The following LUZP2 variants were observed in gnomAD, a reference collection of about 807,000 sequenced individuals.
LUZP2 encodes leucine zipper protein 2.
Under a neutral mutation model 51.6 loss-of-function variants are expected in LUZP2, and 52 were observed. That is an observed-to-expected ratio of 1.01 (90% CI 0.81 to 1.27). The LOEUF is 1.27. LUZP2 is among the 50% of genes most tolerant of loss of function. The probability of loss-of-function intolerance (pLI) is 0.00; values close to 1 mark genes in which losing one functional copy is unlikely to be tolerated. For missense variants in LUZP2, 436 were observed against 395.4 expected, an observed-to-expected ratio of 1.10 and a Z score of -0.87; for synonymous variants, 154 against 137.3, an observed-to-expected ratio of 1.12 and a Z score of -0.85.
At chr11:24,981,142 G>A (rs1321570691) in intron 8 of LUZP2, among the ~76,000 whole-genome samples, 1 of 151,812 alleles carries the variant, frequency 6.6e-6, no homozygotes, top group African/African-American at 2.4e-5. Flanking sequence ...CCATCGTGGT[G>A]TAAAATCATC....
At chr11:24,923,628 C>A (rs187934158) in intron 7 of LUZP2, among the ~76,000 whole-genome samples, 12 of 152,136 alleles carry the variant, frequency 7.9e-5, no homozygotes, top group Admixed American at 5.2e-4. Context: ...ATCCGGGAGG[C>A]AGAGGTTGCA....
chr11:24,547,958 A>C (rs1851612573), intron 1 of LUZP2, among the ~76,000 whole-genome samples: 1 of 152,146 alleles, frequency 6.6e-6, no homozygotes, highest in Non-Finnish European at 1.5e-5. Flanking sequence ...GATTCTCCAC[A>C]CCACTAATCA....
At chr11:24,700,535 G>A (rs1438411493) in intron 1 of LUZP2, among the ~76,000 whole-genome samples, 1 of 151,872 alleles carries the variant, frequency 6.6e-6, no homozygotes, top group Admixed American at 6.6e-5. Flanking sequence ...TTTATAAAAT[G>A]TTCTGCTGCC....
At chr11:24,997,831 T>C (rs1299663018) in intron 9 of LUZP2, among the ~76,000 whole-genome samples, 2 of 152,230 alleles carry the variant, frequency 1.3e-5, no homozygotes, top group Non-Finnish European at 2.9e-5. Flanking sequence ...TTTAGCTTTC[T>C]ACATATGGCT....
At chr11:24,897,775 ATAGT>A (rs1272673485) in intron 5 of LUZP2, among the ~76,000 whole-genome samples, 4 of 152,182 alleles carry the variant, frequency 2.6e-5, no homozygotes, top group African/African-American at 7.2e-5. Context: ...TGTTGGGAAA[ATAGT>A]TTGTTTATGT....
At chr11:24,598,730 A>G (rs191281665) in intron 1 of LUZP2, among the ~76,000 whole-genome samples, 1 of 152,304 alleles carries the variant, frequency 6.6e-6, no homozygotes, top group Admixed American at 6.5e-5. Context: ...ATAGCCAGGA[A>G]TCAGTCTAGT....
At chr11:24,681,684 C>T (rs112268165) in intron 1 of LUZP2, among the ~76,000 whole-genome samples, 2,020 of 152,222 alleles carry the variant, frequency 0.013, 12 homozygotes, top group Middle Eastern at 0.027. Flanking sequence ...TAATTAGCTT[C>T]ATTTTTAACA....
chr11:25,063,426 G>A (rs1339633128), intron 10 of LUZP2, among the ~76,000 whole-genome samples: 1 of 151,698 alleles, frequency 6.6e-6, no homozygotes, highest in Non-Finnish European at 1.5e-5. Context: ...CAAAATATCT[G>A]TGTGAATATA....
At chr11:24,809,729 A>AT (rs927082537) in intron 5 of LUZP2, among the ~76,000 whole-genome samples, 18 of 151,990 alleles carry the variant, frequency 1.2e-4, no homozygotes, top group African/African-American at 3.6e-4. Context: ...GATAAAATAG[A>AT]TTTTTTTCCT....
intron 7 of LUZP2, among the ~76,000 whole-genome samples, chr11:24,923,129 T>A (rs957517141): frequency 6.6e-6 from 1 of 151,928 alleles, no homozygotes; most frequent in Admixed American, 6.6e-5. Flanking sequence ...ATGACCGGCG[T>A]GAGCCACCGC....
rs1398115496 is a variant in LUZP2, at chr11:24,991,396, G to GTGTA, written c.765+8104_765+8105insGTAT. ...TATATATGTGTGTGTGTGTGTGTGTGTATATATATATATATATATATATTC... is the reference window on the plus strand; with the variant it reads ...TATATATGTGTGTGTGTGTGTGTGTGTGTATATATATATATATATATATATATTC... On this transcript the variant is annotated intron_variant, in intron 9 of 11. Coordinates refer to ENST00000336930, the MANE Select transcript of LUZP2 (RefSeq NM_001009909.4). Among the ~76,000 whole-genome samples the GTGTA allele has an allele frequency of 6.7e-3, 839 of 124,956 alleles. 11 individuals are homozygous for GTGTA. The highest frequency in any genetic ancestry group is 0.02 in the African/African-American group (711 of 35,988). The allele number at this position is 124,956 out of a possible 152,430, so 82.0% of individuals were successfully genotyped here. A position where few individuals can be genotyped will look rare whatever the true frequency, so the allele number is the denominator to read the frequency against.
chr11:24,566,621 T>G (rs1386640660), intron 1 of LUZP2, among the ~76,000 whole-genome samples: 5 of 136,660 alleles, frequency 3.7e-5, no homozygotes, highest in Non-Finnish European at 4.6e-5. Flanking sequence ...TATGTATAGA[T>G]ATACACACAC....
At position 24,550,194 on chromosome 11, in the gene LUZP2, A is replaced by G. The variant is rs116441531; in HGVS notation, c.62+52889A>G. On this transcript the variant is annotated intron_variant, in intron 1 of 11. Coordinates refer to ENST00000336930, the MANE Select transcript of LUZP2 (RefSeq NM_001009909.4). ...GCTAGCTCTTCTGATACTAATTGCT[A>G]TAAATGTCAGTGTGTTAGAAATATT... 2.3e-3 allele frequency among the ~76,000 whole-genome samples: 353 copies of G among 152,206 alleles called. 1 individual carries two copies. The highest frequency in any genetic ancestry group is 8.2e-3 in the African/African-American group (342 of 41,564).
chr11:24,857,780 C>G (rs1468346152), intron 5 of LUZP2, among the ~76,000 whole-genome samples: 3 of 151,978 alleles, frequency 2.0e-5, no homozygotes, highest in Non-Finnish European at 4.4e-5. Context: ...ACCTCCACCC[C>G]TGATTCCTAC....
chr11:24,768,462 AT>A (rs1201880898), intron 5 of LUZP2, among the ~76,000 whole-genome samples: 1 of 152,240 alleles, frequency 6.6e-6, no homozygotes, highest in African/African-American at 2.4e-5. Context: ...TTTTGAAAGA[AT>A]TACATAGTTG....
intron 5 of LUZP2, among the ~76,000 whole-genome samples, chr11:24,902,553 G>C (rs532532845): frequency 3.2e-4 from 49 of 152,236 alleles, no homozygotes; most frequent in African/African-American, 1.2e-3. Flanking sequence ...TAATGGTGTG[G>C]AATGTTTAGC....
intron 1 of LUZP2, among the ~76,000 whole-genome samples, chr11:24,559,274 AAGAG>A (rs963234669): frequency 1.4e-4 from 22 of 152,186 alleles, no homozygotes; most frequent in African/African-American, 5.1e-4. Context: ...TTAAAAACAA[AAGAG>A]AGAGAATGAA....
At position 25,081,792 on chromosome 11, in the gene LUZP2, A is replaced by T. The variant is rs775405984; in HGVS notation, c.*3134A>T. 2.0e-5 allele frequency: 3 copies of T among 152,188 alleles called. No homozygotes were observed. Among genetic ancestry groups the T allele is most frequent in the Non-Finnish European group, 4.4e-5 (3 of 68,010 alleles). The allele number at this position is 152,188 out of a possible 1,614,324, so 9.4% of individuals were successfully genotyped here. A position where few individuals can be genotyped will look rare whatever the true frequency, so the allele number is the denominator to read the frequency against. Reference sequence around the variant, plus strand: ...ATGTACCTGTAATGATAAGCATTGAAAGATTATTTACATTTTGAAAAACAT... The same window carrying T: ...ATGTACCTGTAATGATAAGCATTGATAGATTATTTACATTTTGAAAAACAT... On this transcript the variant is annotated 3_prime_UTR_variant, in exon 12 of 12. Coordinates refer to ENST00000336930, the MANE Select transcript of LUZP2 (RefSeq NM_001009909.4).
chr11:25,044,758 A>T (rs1174885336), intron 9 of LUZP2, among the ~76,000 whole-genome samples: 1 of 151,798 alleles, frequency 6.6e-6, no homozygotes, highest in Non-Finnish European at 1.5e-5. Flanking sequence ...ACACATGCGC[A>T]CGTATGTTTA....
Sources: gnomAD v4.1 joint callset for allele counts (sites outside exome capture counted in the v4.1 genomes callset) on GRCh38, gnomAD v4.1.1 for gene constraint, MANE v1.5 for transcripts, NCBI Gene and HGNC (gene_info 2026-07-23, HGNC 2026-07-21) for gene names.